Variants in ERBB4 observed in about 807,000 individuals in gnomAD.
ERBB4 encodes the protein receptor tyrosine-protein kinase erbB-4.
In ERBB4, 42 loss-of-function variants were observed where a neutral mutation model predicts 158.0. The ratio of observed to expected loss-of-function variants is 0.27; its 90% confidence interval spans 0.21 to 0.34. The LOEUF (loss-of-function observed/expected upper bound fraction) is 0.34. Ranked by LOEUF, ERBB4 falls within the 10% of genes least tolerant of loss-of-function variation. The pLI, the probability that ERBB4 is intolerant of heterozygous loss-of-function variation, is 1.00. For synonymous variants in ERBB4, 583 were observed against 558.7 expected (o/e 1.04, Z -0.61); for missense variants, 1,333 against 1,624.1 (o/e 0.82, Z 3.08).
chr2:211,966,937 A>G (rs1157536838), intron 2 of ERBB4, among the ~76,000 whole-genome samples: 2 of 152,278 alleles, frequency 1.3e-5, no homozygotes, highest in Non-Finnish European at 2.9e-5. Flanking sequence ...GAGAATATGT[A>G]TCTCTTTTTT....
chr2:211,377,191 A>G lies in ERBB4; in HGVS notation c.*6424T>C, dbSNP rs899889868. 9 of 232,904 alleles carry G rather than the reference A, an allele frequency of 3.9e-5. No individual in the cohort carries two copies. The highest frequency in any genetic ancestry group is 2.0e-4 in the African/African-American group (9 of 45,278). 14.4% of individuals were successfully genotyped at this position (232,904 alleles called of 1,614,324 possible). On this transcript the variant is annotated 3_prime_UTR_variant, in exon 28 of 28. Coordinates refer to ENST00000342788, the MANE Select transcript of ERBB4 (RefSeq NM_005235.3). ...CATTAAGGGAAAAGGACAACCCCCA[A>G]TTAACTAAAAAATCTGGAAATGACA...
chr2:211,626,294 G>A (rs949909492), intron 17 of ERBB4, among the ~76,000 whole-genome samples: 2 of 152,060 alleles, frequency 1.3e-5, no homozygotes, highest in African/African-American at 4.8e-5. Flanking sequence ...ATCTCAGTAA[G>A]CATGTGTGGA....
chr2:211,441,360 C>T (rs1294482291), intron 20 of ERBB4, among the ~76,000 whole-genome samples: 1 of 152,028 alleles, frequency 6.6e-6, no homozygotes, highest in African/African-American at 2.4e-5. Context: ...AAGAAATTGT[C>T]CTGGGAGAGT....
chr2:211,620,471 G>A (rs903647162), intron 18 of ERBB4, among the ~76,000 whole-genome samples: 2 of 151,990 alleles, frequency 1.3e-5, no homozygotes, highest in African/African-American at 4.8e-5. Flanking sequence ...ATCATCAGGA[G>A]ACCTGAACAC....
intron 1 of ERBB4, among the ~76,000 whole-genome samples, chr2:212,519,831 A>G (rs1692053514): frequency 6.6e-6 from 1 of 151,926 alleles, no homozygotes; most frequent in Admixed American, 6.6e-5. Flanking sequence ...CTAGATAGGA[A>G]TAAAGTTCTA....
chr2:212,285,166 T>C (rs1389829401), intron 1 of ERBB4, among the ~76,000 whole-genome samples: 1 of 152,148 alleles, frequency 6.6e-6, no homozygotes, highest in Non-Finnish European at 1.5e-5. Context: ...GAAGGCTCAG[T>C]TATAGACTTT....
chr2:211,415,867 C>T (rs1172402679), intron 25 of ERBB4, among the ~76,000 whole-genome samples: 1 of 151,942 alleles, frequency 6.6e-6, no homozygotes, highest in African/African-American at 2.4e-5. Flanking sequence ...TGGGAGAAAG[C>T]GTGTAAGAGG....
At chr2:211,887,799 C>T (rs973265428) in intron 3 of ERBB4, among the ~76,000 whole-genome samples, 8 of 152,134 alleles carry the variant, frequency 5.3e-5, no homozygotes, top group African/African-American at 1.9e-4. Context: ...GTCTGCCTCT[C>T]CTAGAACATA....
intron 4 of ERBB4, among the ~76,000 whole-genome samples, chr2:211,758,814 C>A (rs1292082063): frequency 6.6e-6 from 1 of 152,186 alleles, no homozygotes; most frequent in East Asian, 1.9e-4. Context: ...AGTGGTGGGC[C>A]TTCCAAGGAT....
At chr2:211,541,955 C>T (rs2066820566) in intron 20 of ERBB4, among the ~76,000 whole-genome samples, 1 of 151,956 alleles carries the variant, frequency 6.6e-6, no homozygotes, top group Non-Finnish European at 1.5e-5. Flanking sequence ...GAAAGACTGA[C>T]TGGAGCAAAA....
At chr2:212,085,763 C>T (rs2078586100) in intron 2 of ERBB4, among the ~76,000 whole-genome samples, 1 of 151,738 alleles carries the variant, frequency 6.6e-6, no homozygotes, top group African/African-American at 2.4e-5. Context: ...ATTATACCTT[C>T]CTCATAAAGT....
chr2:211,709,195 C>A (rs998762146), intron 9 of ERBB4, among the ~76,000 whole-genome samples: 1 of 147,838 alleles, frequency 6.8e-6, no homozygotes, highest in Non-Finnish European at 1.5e-5. Context: ...AAACTTTCCT[C>A]CACTCTGGGC....
chr2:212,517,645 C>T (rs897342130), intron 1 of ERBB4, among the ~76,000 whole-genome samples: 2 of 152,028 alleles, frequency 1.3e-5, no homozygotes, highest in African/African-American at 4.8e-5. Context: ...CTCCTTCCAG[C>T]CATGGAAATA....
At chr2:211,396,863 A>C (rs1185812343) in intron 25 of ERBB4, among the ~76,000 whole-genome samples, 1 of 152,200 alleles carries the variant, frequency 6.6e-6, no homozygotes, top group Non-Finnish European at 1.5e-5. Context: ...TATTCATCCA[A>C]CTACTGCTCT....
intron 12 of ERBB4, among the ~76,000 whole-genome samples, chr2:211,686,048 A>G (rs1006983797): frequency 6.6e-6 from 1 of 152,136 alleles, no homozygotes; most frequent in African/African-American, 2.4e-5. Flanking sequence ...GTACATAATC[A>G]TGCCATCTGT....
chr2:211,942,345 T>C (rs556765446), intron 3 of ERBB4, among the ~76,000 whole-genome samples: 1 of 150,710 alleles, frequency 6.6e-6, no homozygotes, highest in East Asian at 1.9e-4. Flanking sequence ...TTTATTTATT[T>C]ATTTATTTAT....
At chr2:211,941,886 C>T (rs1475990075) in intron 3 of ERBB4, among the ~76,000 whole-genome samples, 3 of 152,044 alleles carry the variant, frequency 2.0e-5, no homozygotes, top group Non-Finnish European at 4.4e-5. Flanking sequence ...TTTCTAAACA[C>T]CCCCAATGTG....
chr2:211,863,263 C>T (rs966854272), intron 3 of ERBB4, among the ~76,000 whole-genome samples: 1 of 152,162 alleles, frequency 6.6e-6, no homozygotes, highest in Non-Finnish European at 1.5e-5. Flanking sequence ...GTAAAACGAA[C>T]CAATCAGCTC....
chr2:212,482,558 A>G (rs572279301), intron 1 of ERBB4, among the ~76,000 whole-genome samples: 1 of 152,338 alleles, frequency 6.6e-6, no homozygotes, highest in South Asian at 2.1e-4. Flanking sequence ...AAACCTTAGG[A>G]GAAATTTAAC....
Sources: allele counts gnomAD v4.1 joint callset (sites outside exome capture counted in the v4.1 genomes callset), GRCh38; gene constraint gnomAD v4.1.1; transcripts MANE v1.5; gene names NCBI Gene and HGNC (gene_info 2026-07-23, HGNC 2026-07-21).